PLCG2: variants seen among roughly 807,000 people sequenced by gnomAD.
The protein encoded by PLCG2 is phospholipase C gamma 2, also known as 1-phosphatidylinositol 4,5-bisphosphate phosphodiesterase gamma-2.
In PLCG2, 69 loss-of-function variants were observed where a neutral mutation model predicts 175.6. The observed-to-expected ratio is 0.39, with a 90% CI of 0.32 to 0.48. The LOEUF is 0.48. PLCG2 is among the 20% of genes least tolerant of loss of function. PLCG2 has a pLI of 0.91. For synonymous variants in PLCG2, 827 were observed against 624.0 expected (o/e 1.33, Z -4.85); for missense variants, 1,798 against 1,650.9 (o/e 1.09, Z -1.54).
intron 1 of PLCG2, among the ~76,000 whole-genome samples, chr16:81,746,443 A>G (rs1033004239): frequency 1.3e-5 from 2 of 152,172 alleles, no homozygotes; most frequent in Non-Finnish European, 2.9e-5. Flanking sequence ...GGGCAGAGTG[A>G]GCACCCACAG....
At chr16:81,758,174 C>T (rs568962501) in intron 2 of PLCG2, among the ~76,000 whole-genome samples, 12 of 152,180 alleles carry the variant, frequency 7.9e-5, no homozygotes, top group South Asian at 4.2e-4. Context: ...GATGGGGTTT[C>T]GCGGTGTTCC....
At chr16:81,946,337 C>A in intron 31 of PLCG2, 74 bp downstream of exon 31, 1 of 1,039,378 alleles carries the variant, frequency 9.6e-7, no homozygotes, top group Non-Finnish European at 1.5e-6. Context: ...CCCGTGAATA[C>A]AATTGGCAGA....
chr16:81,848,713 C>T (rs1233288959), intron 2 of PLCG2, among the ~76,000 whole-genome samples: 1 of 152,162 alleles, frequency 6.6e-6, no homozygotes, highest in Non-Finnish European at 1.5e-5. Flanking sequence ...CTTATTGGGC[C>T]CCGCTGTGTG....
chr16:81,905,245 A>G (rs1024971552), intron 14 of PLCG2, among the ~76,000 whole-genome samples, 158 bp from the exon 15 acceptor site: 6 of 152,336 alleles, frequency 3.9e-5, no homozygotes, highest in African/African-American at 1.4e-4. Context: ...GTTCAGGGTA[A>G]CCTGGAGGGC....
chr16:81,912,534 G>A, intron 18 of PLCG2, 63 bp from the exon 19 acceptor site: 3 of 1,590,230 alleles, frequency 1.9e-6, no homozygotes, highest in African/African-American at 1.3e-5. Flanking sequence ...TGTCCTCTGC[G>A]GGTGGCCCAC....
In PLCG2 at chr16:81,961,938, G is replaced by A. The variant is rs12149470; in HGVS notation, c.*3940G>A. 3.0e-5 allele frequency: 6 copies of A among 197,450 alleles called. No homozygotes were observed. The highest frequency in any genetic ancestry group is 6.3e-5 in the Non-Finnish European group (6 of 94,884). The allele number at this position is 197,450 out of a possible 1,614,324, so 12.2% of individuals were successfully genotyped here. ...AAGATTGCTGATCGGATGTGAGGGC[G>A]ATCTGGCTGCGACATCTGTCACCCC... On this transcript the variant is annotated 3_prime_UTR_variant, in exon 33 of 33. Coordinates refer to ENST00000564138, the MANE Select transcript of PLCG2 (RefSeq NM_002661.5).
intron 2 of PLCG2, among the ~76,000 whole-genome samples, chr16:81,811,131 G>T (rs549071357): frequency 6.6e-6 from 1 of 152,292 alleles, no homozygotes; most frequent in African/African-American, 2.4e-5. Flanking sequence ...ATGGCACCAC[G>T]TATGACAGCA....
At chr16:81,789,110 C>T (rs956311462) in intron 2 of PLCG2, among the ~76,000 whole-genome samples, 32 of 151,510 alleles carry the variant, frequency 2.1e-4, no homozygotes, top group Admixed American at 3.3e-4. Context: ...ACATGTATCC[C>T]GGAACTTAAA....
At chr16:81,742,638 C>T (rs1005651452) in intron 1 of PLCG2, among the ~76,000 whole-genome samples, 1 of 152,204 alleles carries the variant, frequency 6.6e-6, no homozygotes. Context: ...TGACCACAGG[C>T]ATCCCACTGC....
At chr16:81,807,751 T>G (rs1904288242) in intron 2 of PLCG2, among the ~76,000 whole-genome samples, 1 of 152,174 alleles carries the variant, frequency 6.6e-6, no homozygotes, top group African/African-American at 2.4e-5. Context: ...GACTCACAGT[T>G]CAGCATGGCT....
chr16:81,953,533 G>A (rs1911450564), intron 31 of PLCG2, among the ~76,000 whole-genome samples: 1 of 152,104 alleles, frequency 6.6e-6, no homozygotes, highest in Non-Finnish European at 1.5e-5. Flanking sequence ...GGCAGAGAGT[G>A]CCATAAAGAT....
chr16:81,920,494 C>G (rs1377878330), intron 20 of PLCG2, among the ~76,000 whole-genome samples: 1 of 152,194 alleles, frequency 6.6e-6, no homozygotes, highest in Non-Finnish European at 1.5e-5. Context: ...GGGGTGGACA[C>G]TACCTTAGGC....
intron 2 of PLCG2, among the ~76,000 whole-genome samples, chr16:81,798,264 C>T (rs1911561549): frequency 6.6e-6 from 1 of 152,190 alleles, no homozygotes; most frequent in South Asian, 2.1e-4. Flanking sequence ...CCCAGCCATG[C>T]TGCCATATGT....
At position 81,870,832 on chromosome 16, in the gene PLCG2, C is replaced by A. The variant is rs1014490206; in HGVS notation, c.565-20C>A. ...CGGTGGACATCAAAAATCATGTGGT[C>A]ACTTTTTTCATATTTACAGGAAATA... On this transcript the variant is annotated intron_variant, in intron 6 of 32. Transcript: ENST00000564138. 2 of 1,433,900 alleles carry A rather than the reference C, an allele frequency of 1.4e-6. No individual in the cohort carries two copies. Among genetic ancestry groups the A allele is most frequent in the East Asian group, 2.3e-5 (1 of 43,176 alleles). 88.8% of individuals were successfully genotyped at this position (1,433,900 alleles called of 1,614,324 possible).
chr16:81,932,424 G>T (rs1229170862), intron 25 of PLCG2, among the ~76,000 whole-genome samples: 2 of 152,204 alleles, frequency 1.3e-5, no homozygotes, highest in East Asian at 3.8e-4. Context: ...AGTAAGGGCT[G>T]TCTGTTCTTG....
At position 81,816,654 on chromosome 16, in the gene PLCG2, T is replaced by C. The variant is rs1438469582; in HGVS notation, c.193+30472T>C. Among the ~76,000 whole-genome samples, 596 of 67,324 alleles carry C rather than the reference T, an allele frequency of 8.9e-3. 83 individuals are homozygous for C. The highest frequency in any genetic ancestry group is 0.028 in the African/African-American group (577 of 20,406). 44.2% of individuals were successfully genotyped at this position (67,324 alleles called of 152,430 possible). A position where few individuals can be genotyped will look rare whatever the true frequency, so the allele number is the denominator to read the frequency against. On this transcript the variant is annotated intron_variant, in intron 2 of 32. Transcript: ENST00000564138. ...CCACCATGCCCAGCTAATTTTAATT[T>C]TTTTTTTTTTTTTTTTTTTTTTTTT... is the stretch of plus-strand genomic sequence containing the variant.
At chr16:81,803,715 T>A (rs1911864806) in intron 2 of PLCG2, among the ~76,000 whole-genome samples, 1 of 142,086 alleles carries the variant, frequency 7.0e-6, no homozygotes, top group Non-Finnish European at 1.5e-5. Flanking sequence ...ACAGTCTCAC[T>A]GTGTCGGTCA....
chr16:81,884,916 C>T (rs147589647), intron 9 of PLCG2, among the ~76,000 whole-genome samples: 4,253 of 152,170 alleles, frequency 0.028, 83 homozygotes, highest in Non-Finnish European at 0.041. Flanking sequence ...TAAGGTCTCA[C>T]TCACCCCCTT....
At chr16:81,893,983 C>T (rs1315801869) in intron 12 of PLCG2, among the ~76,000 whole-genome samples, 189 bp downstream of exon 12, 2 of 132,274 alleles carry the variant, frequency 1.5e-5, no homozygotes, top group East Asian at 4.2e-4. Context: ...TTTTTTGAGA[C>T]GGAGTCCCTG....
Sources: allele counts gnomAD v4.1 joint callset (sites outside exome capture counted in the v4.1 genomes callset), GRCh38; gene constraint gnomAD v4.1.1; transcripts MANE v1.5; gene names NCBI Gene and HGNC (gene_info 2026-07-23, HGNC 2026-07-21).